Variants in LRP1B observed in about 807,000 individuals in gnomAD.
LRP1B encodes the protein LDL receptor related protein 1B.
LRP1B carries 217 observed loss-of-function variants against 556.6 expected under a neutral mutation model. That is an observed-to-expected ratio of 0.39 (90% CI 0.35 to 0.44). The LOEUF (loss-of-function observed/expected upper bound fraction) is 0.44, where lower values mean the gene tolerates loss of function less well. Among genes scored for constraint, LRP1B ranks in the 20% least tolerant of loss-of-function variants. The pLI, the probability that LRP1B is intolerant of heterozygous loss-of-function variation, is 1.00. For missense variants in LRP1B, 5,053 were observed against 5,620.8 expected, an observed-to-expected ratio of 0.90 and a Z score of 3.23; for synonymous variants, 2,047 against 1,865.8, an observed-to-expected ratio of 1.10 and a Z score of -2.50.
chr2:140,951,772 T>C (rs977087129), intron 19 of LRP1B, 88 bp downstream of exon 19: 3 of 1,020,464 alleles, frequency 2.9e-6, no homozygotes, highest in Non-Finnish European at 4.5e-6. Flanking sequence ...AAGATTCCCC[T>C]ACAAAGTACC....
chr2:140,457,361 C>A, intron 61 of LRP1B, 102 bp downstream of exon 61: 5 of 929,406 alleles, frequency 5.4e-6, no homozygotes, highest in Non-Finnish European at 8.2e-6. Context: ...ATCTAGTAAT[C>A]TTCATCAAAA....
chr2:141,133,786 A>G (rs1330720677), intron 7 of LRP1B, among the ~76,000 whole-genome samples: 2 of 152,022 alleles, frequency 1.3e-5, no homozygotes, highest in African/African-American at 4.8e-5. Flanking sequence ...GAATGGATAG[A>G]TGAATAATTT....
intron 41 of LRP1B, among the ~76,000 whole-genome samples, chr2:140,691,488 C>CAAAAAAA (rs35775292): frequency 1.1e-5 from 1 of 92,728 alleles, no homozygotes; most frequent in Non-Finnish European, 2.3e-5. Flanking sequence ...AACTCCACCT[C>CAAAAAAA]AAAAAAAAAA....
chr2:142,105,361 C>T (rs1210899777), intron 1 of LRP1B, among the ~76,000 whole-genome samples: 1 of 152,160 alleles, frequency 6.6e-6, no homozygotes, highest in African/African-American at 2.4e-5. Flanking sequence ...TACATATCTA[C>T]CTCTGGCTTT....
At chr2:141,332,141 G>A (rs984195313) in intron 3 of LRP1B, among the ~76,000 whole-genome samples, 1 of 151,360 alleles carries the variant, frequency 6.6e-6, no homozygotes, top group African/African-American at 2.4e-5. Context: ...CTACACTGCA[G>A]ACTCCTTAAG....
intron 15 of LRP1B, among the ~76,000 whole-genome samples, chr2:141,001,037 C>A (rs1031708249): frequency 1.3e-5 from 2 of 151,732 alleles, no homozygotes; most frequent in South Asian, 4.2e-4. Flanking sequence ...TCCACATAAC[C>A]GAAATTAAAA....
intron 2 of LRP1B, among the ~76,000 whole-genome samples, chr2:141,630,208 C>T (rs1293667369): frequency 6.6e-6 from 1 of 152,122 alleles, no homozygotes; most frequent in Non-Finnish European, 1.5e-5. Flanking sequence ...CAGGAAACTA[C>T]AGGTATTGGG....
At chr2:140,518,224 A>G (rs915460831) in intron 49 of LRP1B, among the ~76,000 whole-genome samples, 2 of 152,138 alleles carry the variant, frequency 1.3e-5, no homozygotes, top group African/African-American at 4.8e-5. Context: ...AGATGAAAAT[A>G]TATTTTTTGA....
At chr2:141,881,195 C>A (rs1174585693) in intron 1 of LRP1B, among the ~76,000 whole-genome samples, 1 of 151,900 alleles carries the variant, frequency 6.6e-6, no homozygotes, top group African/African-American at 2.4e-5. Context: ...GGTATAAAAG[C>A]AAAGGTATTG....
chr2:140,868,726 T>C (rs138124019), intron 25 of LRP1B, among the ~76,000 whole-genome samples: 1 of 152,106 alleles, frequency 6.6e-6, no homozygotes, highest in Non-Finnish European at 1.5e-5. Flanking sequence ...AGGGGAGGAA[T>C]AGGATGACAA....
chr2:140,644,753 T>C (rs1684419852), intron 41 of LRP1B, among the ~76,000 whole-genome samples: 1 of 152,090 alleles, frequency 6.6e-6, no homozygotes, highest in African/African-American at 2.4e-5. Context: ...TGGTGCAAAC[T>C]TCGCTGTCCT....
intron 3 of LRP1B, among the ~76,000 whole-genome samples, chr2:141,393,850 T>C (rs1690144721): frequency 6.6e-6 from 1 of 152,160 alleles, no homozygotes; most frequent in Admixed American, 6.6e-5. Context: ...TACGTGTGTG[T>C]TATGTATTTT....
chr2:141,245,007 T>A (rs780292544), intron 5 of LRP1B, among the ~76,000 whole-genome samples: 45 of 152,172 alleles, frequency 3.0e-4, no homozygotes, highest in Non-Finnish European at 4.4e-4. Context: ...CTGGTTGCAT[T>A]CTATTATTGT....
chr2:140,362,568 T>A (rs1396811475), intron 72 of LRP1B, among the ~76,000 whole-genome samples: 1 of 151,674 alleles, frequency 6.6e-6, no homozygotes, highest in East Asian at 1.9e-4. Flanking sequence ...CCTGGCTCTG[T>A]GCCCTCTGGG....
At chr2:141,574,420 A>G (rs1686660386) in intron 2 of LRP1B, among the ~76,000 whole-genome samples, 1 of 152,158 alleles carries the variant, frequency 6.6e-6, no homozygotes, top group South Asian at 2.1e-4. Context: ...ACTCTTAATA[A>G]ACTAGGTACT....
intron 3 of LRP1B, among the ~76,000 whole-genome samples, chr2:141,326,297 T>C (rs753795860): frequency 2.0e-5 from 3 of 152,106 alleles, no homozygotes; most frequent in Non-Finnish European, 4.4e-5. Flanking sequence ...AGATCGACAA[T>C]AGGAAATGCT....
intron 1 of LRP1B, among the ~76,000 whole-genome samples, chr2:142,077,428 C>A: frequency 2.0e-5 from 3 of 152,142 alleles, no homozygotes; most frequent in Middle Eastern, 6.8e-3. Context: ...GTGTGTTCTG[C>A]AAATGAATAT....
At chr2:141,653,701 A>G (rs189084286) in intron 2 of LRP1B, among the ~76,000 whole-genome samples, 28 of 152,296 alleles carry the variant, frequency 1.8e-4, no homozygotes, top group African/African-American at 6.0e-4. Flanking sequence ...GTGGCTGTGT[A>G]TTACACTCAG....
chr2:141,103,930 G>C (rs1700534242), intron 7 of LRP1B, among the ~76,000 whole-genome samples: 1 of 151,838 alleles, frequency 6.6e-6, no homozygotes, highest in South Asian at 2.1e-4. Context: ...TTGACACAAA[G>C]GCGTCAATTC....
Sources: allele counts gnomAD v4.1 joint callset (sites outside exome capture counted in the v4.1 genomes callset), GRCh38; gene constraint gnomAD v4.1.1; transcripts MANE v1.5; gene names NCBI Gene and HGNC (gene_info 2026-07-23, HGNC 2026-07-21).